Variants in TP53BP1 observed in about 807,000 individuals in gnomAD.
TP53BP1 encodes TP53-binding protein 1.
Under a neutral mutation model 200.8 loss-of-function variants are expected in TP53BP1, and 61 were observed. The observed-to-expected ratio is 0.30, with a 90% CI of 0.25 to 0.38. The LOEUF (loss-of-function observed/expected upper bound fraction) is 0.38. Ranked by LOEUF, TP53BP1 falls within the 10% of genes least tolerant of loss-of-function variation. TP53BP1 has a pLI of 1.00. For missense variants in TP53BP1, 2,144 were observed against 2,371.9 expected, an observed-to-expected ratio of 0.90 and a Z score of 2.00; for synonymous variants, 822 against 844.3, an observed-to-expected ratio of 0.97 and a Z score of 0.46.
At chr15:43,427,417 T>A (rs1225711198) in intron 18 of TP53BP1, among the ~76,000 whole-genome samples, 2 of 152,196 alleles carry the variant, frequency 1.3e-5, no homozygotes, top group African/African-American at 4.8e-5. Flanking sequence ...AAATAATACA[T>A]ACAATCTTTA....
At position 43,493,150 on chromosome 15, in the gene TP53BP1, C is replaced by T; in HGVS notation, c.-107G>A. ...CTGTCGCCACCGCCGCCACCGGCCG[C>T]GAACTCCCCCTTTCCCGTCACGTCA... On this transcript the variant is annotated 5_prime_UTR_variant, in exon 1 of 28. Transcript: ENST00000382044. The T allele has an allele frequency of 3.2e-6, 5 of 1,565,482 alleles. No homozygotes were observed. The highest frequency in any genetic ancestry group is 3.4e-6 in the Non-Finnish European group (4 of 1,161,610).
intron 4 of TP53BP1, among the ~76,000 whole-genome samples, chr15:43,489,863 G>GA (rs538471921): frequency 6.1e-4 from 91 of 149,550 alleles, no homozygotes; most frequent in Admixed American, 4.9e-3. Flanking sequence ...TGATTTGTGA[G>GA]AAAAAAAAAA....
Position 43,447,090 on chromosome 15 carries a change from A to C in TP53BP1, c.2836+276T>G. 3 of 461,400 alleles carry C rather than the reference A, an allele frequency of 6.5e-6. No individual in the cohort carries two copies. The Admixed American group carries it at 1.1e-4, about 16-fold the overall frequency. 28.6% of individuals were successfully genotyped at this position (461,400 alleles called of 1,614,324 possible). Reference sequence around the variant, plus strand: ...ATAAAACATCTCTACATCACTACTTAGCACTCAGATTCTACTGCCTTGCAA... The same window carrying C: ...ATAAAACATCTCTACATCACTACTTCGCACTCAGATTCTACTGCCTTGCAA... On this transcript the variant is annotated intron_variant, in intron 13 of 27. Coordinates refer to ENST00000382044, the MANE Select transcript of TP53BP1 (RefSeq NM_001141980.3).
At chr15:43,477,299 CAAA>C (rs59711190) in intron 8 of TP53BP1, among the ~76,000 whole-genome samples, 1 of 99,458 alleles carries the variant, frequency 1.0e-5, no homozygotes, top group Non-Finnish European at 2.3e-5. Context: ...GACTCCATCT[CAAA>C]AAAAAAAAAA....
intron 11 of TP53BP1, among the ~76,000 whole-genome samples, chr15:43,462,471 G>A (rs1031182170): frequency 1.2e-4 from 18 of 151,644 alleles, no homozygotes; most frequent in Admixed American, 3.3e-4. Context: ...CACCACATCC[G>A]GCTAATTTTT....
rs2046283737 is a variant in TP53BP1, at chr15:43,455,967, T to G, written c.2641A>C (p.Ser881Arg). The G allele has an allele frequency of 6.2e-7, 1 of 1,614,224 alleles. No individual in the cohort carries two copies. Among genetic ancestry groups the G allele is most frequent in the African/African-American group, 1.3e-5 (1 of 75,070 alleles). ...AGCTTCTGGGCCTCTGCATCTGAGC[T>G]TAGCTGCTTTGCATTAGCCATTTTT... ...DSKMANAKQL[S>R]SDAEAQKLGK... The change falls in exon 12 of 28, where the codon AGC becomes CGC. Residue 881 changes from serine (S) to arginine (R), a missense_variant. Coordinates refer to ENST00000382044, the MANE Select transcript of TP53BP1 (RefSeq NM_001141980.3).
intron 10 of TP53BP1, among the ~76,000 whole-genome samples, chr15:43,472,919 G>A (rs1285392994): frequency 6.6e-6 from 1 of 152,192 alleles, no homozygotes; most frequent in East Asian, 1.9e-4. Context: ...CTCACGGTGA[G>A]AGTTACAGCT....
At position 43,432,255 on chromosome 15, in the gene TP53BP1, C is replaced by G. The variant is rs775290849; in HGVS notation, c.3614G>C (p.Arg1205Thr). The change falls in exon 17 of 28, where the codon AGG (arginine) becomes ACG (threonine). Residue 1205 changes from arginine (R) to threonine (T), a missense_variant. Coordinates refer to ENST00000382044, the MANE Select transcript of TP53BP1 (RefSeq NM_001141980.3). ...GKQDATVQTERGSGEKPVSAP... is the reference protein window; with the variant it reads ...GKQDATVQTETGSGEKPVSAP... ...ACTGACTGGTTTCTCACCACTCCCC[C>G]TCTCAGTCTGAACTGTGGCATCTTG... is the stretch of plus-strand genomic sequence containing the variant. 5.0e-6 allele frequency: 8 copies of G among 1,614,096 alleles called. No homozygotes were observed. The highest frequency in any genetic ancestry group is 4.0e-5 in the African/African-American group (3 of 74,940).
At chr15:43,499,362 A>G (rs541809113) in intron 1 of TP53BP1, among the ~76,000 whole-genome samples, 1 of 152,278 alleles carries the variant, frequency 6.6e-6, no homozygotes, top group East Asian at 1.9e-4. Context: ...ACCCCGTGAT[A>G]ATGCAACTTA....
At chr15:43,424,581 C>A (rs978307693) in intron 18 of TP53BP1, among the ~76,000 whole-genome samples, 8 of 152,238 alleles carry the variant, frequency 5.3e-5, no homozygotes, top group Non-Finnish European at 1.0e-4. Context: ...AAACGCTAGT[C>A]ACTATCATTA....
chr15:43,415,611 G>C lies in TP53BP1; in HGVS notation c.5072C>G (p.Ser1691Cys), dbSNP rs1265842563. The C allele has an allele frequency of 6.2e-7, 1 of 1,614,094 alleles. No homozygotes were observed. ...GCACTTACCAGGTTTTACTGTGGCA[G>C]ACTTGCGACCTCGCTTGGCAGGGGA... ...ERSPAKRGRK[S>C]ATVKPGAVGA... Residue 1691 changes from serine (S) to cysteine (C), a missense_variant, in exon 23 of 28, where the codon TCT (serine) becomes TGT (cysteine). By Grantham distance (112) the Ser-to-Cys change is moderately radical. Coordinates refer to ENST00000382044, the MANE Select transcript of TP53BP1 (RefSeq NM_001141980.3).
intron 21 of TP53BP1, among the ~76,000 whole-genome samples, chr15:43,419,567 GAGAC>G (rs1352718680): frequency 2.0e-5 from 2 of 101,754 alleles, no homozygotes. Context: ...TTTTTTTTGA[GAGAC>G]AGGGTCTCAC....
upstream of TP53BP1, among the ~76,000 whole-genome samples, chr15:43,496,727 G>A (rs1460922933): frequency 1.3e-5 from 2 of 150,288 alleles, no homozygotes; most frequent in Admixed American, 6.7e-5. Flanking sequence ...GGGTTCAACT[G>A]ATTCTCCTGC....
intron 23 of TP53BP1, 25 bp downstream of exon 23, chr15:43,415,569 G>C: frequency 6.2e-7 from 1 of 1,612,268 alleles, no homozygotes; most frequent in Non-Finnish European, 8.5e-7. Context: ...TCTGAAGGAA[G>C]AATGAGGCAA....
chr15:43,508,704 G>A (rs1430293839), intron 1 of TP53BP1, among the ~76,000 whole-genome samples: 1 of 152,176 alleles, frequency 6.6e-6, no homozygotes, highest in Non-Finnish European at 1.5e-5. Flanking sequence ...CTGGAATACT[G>A]TTAACCAAGG....
chr15:43,415,256 G>A (rs982928105), intron 23 of TP53BP1: 6 of 279,560 alleles, frequency 2.1e-5, no homozygotes, highest in African/African-American at 1.4e-4. Flanking sequence ...TGCCCAGGCT[G>A]GAGTGCAATG....
Position 43,436,360 on chromosome 15 carries a change from G to A in TP53BP1, c.3191+1964C>T, listed in dbSNP as rs888827917. 2.0e-5 allele frequency among the ~76,000 whole-genome samples: 3 copies of A among 152,012 alleles called. No individual in the cohort carries two copies. The East Asian group carries it at 5.8e-4, about 29-fold the overall frequency. On this transcript the variant is annotated intron_variant, in intron 16 of 27. Coordinates refer to ENST00000382044, the MANE Select transcript of TP53BP1 (RefSeq NM_001141980.3). Reference sequence around the variant, plus strand: ...AATTACGAAATCACTGAATTTTAGAGGTGAAAGATACTCACTTCATAATGA... The same window carrying A: ...AATTACGAAATCACTGAATTTTAGAAGTGAAAGATACTCACTTCATAATGA...
rs1371841889 is a variant in TP53BP1 at position 43,407,986 on chromosome 15, A to G, written c.5703T>C (p.Gly1901=). 6.2e-7 allele frequency: 1 copy of G among 1,614,016 alleles called. No homozygotes were observed. Among genetic ancestry groups the G allele is most frequent in the East Asian group, 2.2e-5 (1 of 44,874 alleles). Reference sequence around the variant, plus strand: ...AATGGTGCTGCTTCACAGAGGCTGCACCACCAGTCATGAGGATCTCAGACC... The same window carrying G: ...AATGGTGCTGCTTCACAGAGGCTGCGCCACCAGTCATGAGGATCTCAGACC... ...ELWSEILMTG[G]AASVKQHHSS... Residue 1901 remains glycine, a synonymous_variant, in exon 27 of 28, where the codon GGT becomes GGC. Coordinates refer to ENST00000382044, the MANE Select transcript of TP53BP1 (RefSeq NM_001141980.3).
intron 11 of TP53BP1, among the ~76,000 whole-genome samples, chr15:43,458,437 CA>C (rs200419917): frequency 2.5e-4 from 34 of 136,138 alleles, no homozygotes; most frequent in Admixed American, 3.0e-4. Flanking sequence ...GACTATATCT[CA>C]AAAAAAAAAA....
Sources: gnomAD v4.1 joint callset for allele counts (sites outside exome capture counted in the v4.1 genomes callset) on GRCh38, gnomAD v4.1.1 for gene constraint, MANE v1.5 for transcripts, NCBI Gene and HGNC (gene_info 2026-07-23, HGNC 2026-07-21) for gene names.